Variants in TERF2 observed in about 807,000 individuals in gnomAD.
TERF2 encodes telomeric repeat-binding factor 2.
TERF2 carries 16 observed loss-of-function variants against 56.1 expected under a neutral mutation model. The observed-to-expected ratio is 0.29, with a 90% confidence interval of 0.19 to 0.43. The LOEUF (loss-of-function observed/expected upper bound fraction) is 0.43. Ranked by LOEUF, TERF2 falls within the 20% of genes least tolerant of loss-of-function variation. The pLI is 1.00. For synonymous variants in TERF2, 296 were observed against 282.1 expected (o/e 1.05, Z -0.50); for missense variants, 547 against 712.9 (o/e 0.77, Z 2.65).
At chr16:69,375,210 C>T (rs971669931) in intron 3 of TERF2, among the ~76,000 whole-genome samples, 8 of 152,280 alleles carry the variant, frequency 5.3e-5, no homozygotes, top group Admixed American at 1.3e-4. Flanking sequence ...AATAGAGATG[C>T]TAAAACAGTC....
At chr16:69,378,960 G>A (rs80328925) in intron 3 of TERF2, among the ~76,000 whole-genome samples, 4 of 147,924 alleles carry the variant, frequency 2.7e-5, no homozygotes, top group East Asian at 2.0e-4. Context: ...TGGGGGGGGG[G>A]AAATTAAAAA....
Position 69,357,049 on chromosome 16 carries a change from G to C in TERF2, c.1478C>G (p.Thr493Ser). The C allele has an allele frequency of 1.9e-6, 3 of 1,601,980 alleles. No homozygotes were observed. Among genetic ancestry groups the C allele is most frequent in the Non-Finnish European group, 2.5e-6 (3 of 1,176,786 alleles). ...TTNITKKQKW[T>S]VEESEWVKAG... ...CTTGACCCACTCGCTTTCTTCTACA[G>C]TCCACTTCTGCAAAAGAAAACCAAA... The change falls in exon 10 of 10, where the codon ACT (threonine) becomes AGT (serine). Residue 493 changes from threonine to serine, a missense_variant. Physicochemically the swap from Thr to Ser is moderately conservative, Grantham distance 58. This residue lies in a region of TERF2 where 33 missense variants were observed against 69.9 expected (regional missense o/e 0.47). Coordinates refer to ENST00000254942, the MANE Select transcript of TERF2 (RefSeq NM_005652.5).
chr16:69,372,373 A>C lies in TERF2; in HGVS notation c.607-18T>G. Reference sequence around the variant, plus strand: ...ATGACAGCCTAAAAAGGAGGGGAAAAATCTTTTTTTACTTTTGTAATGACA... The same window carrying C: ...ATGACAGCCTAAAAAGGAGGGGAAACATCTTTTTTTACTTTTGTAATGACA... On this transcript the variant is annotated intron_variant, in intron 3 of 9. Coordinates refer to ENST00000254942, the MANE Select transcript of TERF2 (RefSeq NM_005652.5). 1.9e-6 allele frequency: 3 copies of C among 1,550,340 alleles called. No individual in the cohort carries two copies. Among genetic ancestry groups the C allele is most frequent in the Non-Finnish European group, 2.6e-6 (3 of 1,133,736 alleles).
chr16:69,376,449 G>T (rs1380366535), intron 3 of TERF2, among the ~76,000 whole-genome samples: 2 of 151,970 alleles, frequency 1.3e-5, no homozygotes, highest in African/African-American at 4.8e-5. Context: ...CTTAAAATTG[G>T]GTAGTATGAA....
At chr16:69,368,799 C>T (rs1430112244) in intron 5 of TERF2, among the ~76,000 whole-genome samples, 1 of 152,138 alleles carries the variant, frequency 6.6e-6, no homozygotes, top group Non-Finnish European at 1.5e-5. Context: ...ATCTCGGCCT[C>T]CCAAGTAGCT....
rs755650774 is a variant in TERF2, at chr16:69,368,435, C to T, written c.888G>A (p.Gly296=). The change falls in exon 6 of 10, where the codon GGG becomes GGA. Residue 296 remains glycine (G), a synonymous_variant. Coordinates refer to ENST00000254942, the MANE Select transcript of TERF2 (RefSeq NM_005652.5). ...CTGGTGCTGGCTGTTTATCTTCCTT[C>T]CCTGTACTTGAGGCAGCGGACTCAG... is the stretch of plus-strand genomic sequence containing the variant. ...LKSESAASST[G]KEDKQPAPGP... is the part of the protein sequence containing the mutation. 1 of 1,614,176 alleles carries T rather than the reference C, an allele frequency of 6.2e-7. No homozygotes were observed. The highest frequency in any genetic ancestry group is 8.5e-7 in the Non-Finnish European group (1 of 1,180,022).
chr16:69,363,824 A>G (rs2013237183), intron 7 of TERF2, among the ~76,000 whole-genome samples: 1 of 152,036 alleles, frequency 6.6e-6, no homozygotes, highest in South Asian at 2.1e-4. Context: ...AAAATTAGCC[A>G]GGTGCGGTGG....
chr16:69,356,968 G>A lies in TERF2; in HGVS notation c.1559C>T (p.Pro520Leu), dbSNP rs1188082389. The change falls in exon 10 of 10, where the codon CCA becomes CTA. Residue 520 changes from proline (P) to leucine (L), a missense_variant. This residue lies in a region of TERF2 where 33 missense variants were observed against 69.9 expected (regional missense o/e 0.47). Transcript: ENST00000254942. Reference protein sequence around the residue: ...GNWAAISKNYPFVNRTAVMIK... With the variant: ...GNWAAISKNYLFVNRTAVMIK... Reference sequence around the variant, plus strand: ...CATCACAGCTGTTCGGTTAACAAATGGGTAATTTTTAGAAATGGCAGCCCA... The same window carrying A: ...CATCACAGCTGTTCGGTTAACAAATAGGTAATTTTTAGAAATGGCAGCCCA... 6.2e-7 allele frequency: 1 copy of A among 1,613,998 alleles called. No homozygotes were observed. Among genetic ancestry groups the A allele is most frequent in the Non-Finnish European group, 8.5e-7 (1 of 1,180,038 alleles).
intron 2 of TERF2, 58 bp from the exon 3 acceptor site, chr16:69,384,768 T>C: frequency 1.4e-6 from 2 of 1,466,178 alleles, no homozygotes; most frequent in Non-Finnish European, 1.8e-6. Flanking sequence ...AAAAGTTATG[T>C]CCAAAAATTA....
intron 3 of TERF2, among the ~76,000 whole-genome samples, chr16:69,379,348 A>T (rs1361751972): frequency 6.6e-6 from 1 of 152,240 alleles, no homozygotes; most frequent in Non-Finnish European, 1.5e-5. Flanking sequence ...AAATGGGGTA[A>T]GGCCCTCAAA....
At position 69,385,785 on chromosome 16, in the gene TERF2, G is replaced by C. The variant is rs2014180654; in HGVS notation, c.187C>G (p.Arg63Gly). ...SGRAAGRRAS[R>G]SSGRARRGRH... ...CCCCGCCGGGCCCGCCCGCTACTGC[G>C]GGACGCCCGCCTGCCAGCTGCCCGC... Residue 63 changes from arginine to glycine, a missense_variant, in exon 1 of 10, where the codon CGC (arginine) becomes GGC (glycine). By Grantham distance (125) the Arg-to-Gly change is moderately radical. This residue lies in a region of TERF2 where 120 missense variants were observed against 172.4 expected (regional missense o/e 0.70). Transcript: ENST00000254942. 1.5e-6 allele frequency: 2 copies of C among 1,298,564 alleles called. No homozygotes were observed. Among genetic ancestry groups the C allele is most frequent in the Non-Finnish European group, 2.0e-6 (2 of 1,024,920 alleles). The allele number at this position is 1,298,564 out of a possible 1,614,324, so 80.4% of individuals were successfully genotyped here.
Position 69,385,948 on chromosome 16 carries a change from C to A in TERF2, c.24G>T (p.Ala8=). 1 of 1,363,934 alleles carries A rather than the reference C, an allele frequency of 7.3e-7. No individual in the cohort carries two copies. Among genetic ancestry groups the A allele is most frequent in the Non-Finnish European group, 9.5e-7 (1 of 1,058,150 alleles). 84.5% of individuals were successfully genotyped at this position (1,363,934 alleles called of 1,614,324 possible). MAAGAGT[A]GPASGPGVVR... is the part of the protein sequence containing the mutation. Reference sequence around the variant, plus strand: ...CGACGCCCGGGCCGGAAGCGGGGCCCGCCGTCCCGGCTCCCGCGGCCATGA... The same window carrying A: ...CGACGCCCGGGCCGGAAGCGGGGCCAGCCGTCCCGGCTCCCGCGGCCATGA... The change falls in exon 1 of 10, where the codon GCG becomes GCT. Residue 8 remains alanine, a synonymous_variant. Transcript: ENST00000254942.
chr16:69,361,332 T>A, intron 8 of TERF2, 72 bp downstream of exon 8: 1 of 1,088,384 alleles, frequency 9.2e-7, no homozygotes, highest in Non-Finnish European at 1.4e-6. Flanking sequence ...TTCTGGAATA[T>A]TAACATGACA....
chr16:69,371,556 C>T (rs940091034), intron 4 of TERF2, among the ~76,000 whole-genome samples: 7 of 145,594 alleles, frequency 4.8e-5, no homozygotes, highest in African/African-American at 7.6e-5. Flanking sequence ...TGATGATTCA[C>T]GTAATCCCAG....
intron 8 of TERF2, 152 bp downstream of exon 8, chr16:69,361,252 A>T: frequency 4.7e-6 from 3 of 640,496 alleles, no homozygotes; most frequent in South Asian, 2.0e-5. Flanking sequence ...AAAAAAAAAA[A>T]ACTGATTCTT....
intron 7 of TERF2, among the ~76,000 whole-genome samples, chr16:69,364,340 C>A (rs76597213): frequency 0.02 from 2,967 of 152,126 alleles, 96 homozygotes; most frequent in African/African-American, 0.067. Flanking sequence ...ATCAGGCCTT[C>A]CAATTTGTTG....
At chr16:69,385,309 G>A in intron 2 of TERF2, 82 bp downstream of exon 2, 5 of 1,225,238 alleles carry the variant, frequency 4.1e-6, no homozygotes, top group Non-Finnish European at 6.0e-6. Context: ...ACTTTAACCT[G>A]GAATCCTTCA....
In TERF2 at chr16:69,370,495, G is replaced by A. The variant is rs1207548790; in HGVS notation, c.828C>T (p.Pro276=). 4 of 1,614,200 alleles carry A rather than the reference G, an allele frequency of 2.5e-6. No individual in the cohort carries two copies. The highest frequency in any genetic ancestry group is 3.4e-6 in the Non-Finnish European group (4 of 1,180,036). ...GGCCAAGGCGCACCGTGAGGAGGTAGGGCTCGGCGTCATCCAGGTGGCTCT... is the reference window on the plus strand; with the variant it reads ...GGCCAAGGCGCACCGTGAGGAGGTAAGGCTCGGCGTCATCCAGGTGGCTCT... The part of the protein sequence containing the change: ...FLESHLDDAE[P]YLLTMAKKAL... Residue 276 remains proline, a synonymous_variant, in exon 5 of 10, where the codon CCC becomes CCT. Coordinates refer to ENST00000254942, the MANE Select transcript of TERF2 (RefSeq NM_005652.5).
intron 7 of TERF2, among the ~76,000 whole-genome samples, chr16:69,363,968 C>T (rs141749620): frequency 3.3e-5 from 5 of 151,616 alleles, no homozygotes; most frequent in Admixed American, 6.6e-5. Context: ...GGTGACAGAG[C>T]GAGACCCTGT....
Sources: allele counts gnomAD v4.1 joint callset (sites outside exome capture counted in the v4.1 genomes callset), GRCh38; gene constraint gnomAD v4.1.1; regional missense constraint gnomAD v4.1.1; transcripts MANE v1.5; gene names NCBI Gene and HGNC (gene_info 2026-07-23, HGNC 2026-07-21).